Variants in NCKAP5 observed in about 807,000 individuals in gnomAD.
NCKAP5 encodes NCK associated protein 5.
In NCKAP5, 92 loss-of-function variants were observed where a neutral mutation model predicts 167.0. That is an observed-to-expected ratio of 0.55 (90% CI 0.47 to 0.66). The LOEUF (loss-of-function observed/expected upper bound fraction) is 0.66. Ranked by LOEUF, NCKAP5 falls within the 30% of genes least tolerant of loss-of-function variation. The pLI, the probability that NCKAP5 is intolerant of heterozygous loss-of-function variation, is 0.00. For synonymous variants in NCKAP5, 891 were observed against 877.4 expected, an observed-to-expected ratio of 1.02 and a Z score of -0.27; for missense variants, 2,378 against 2,315.0, an observed-to-expected ratio of 1.03 and a Z score of -0.56.
At chr2:132,897,499 A>G (rs1011502889) in intron 8 of NCKAP5, among the ~76,000 whole-genome samples, 1 of 152,236 alleles carries the variant, frequency 6.6e-6, no homozygotes, top group Non-Finnish European at 1.5e-5. Context: ...GAGTTTCTCA[A>G]CCGCAGCACT....
the NCKAP5 span, among the ~76,000 whole-genome samples, chr2:133,590,333 C>T: frequency 5.7e-4 from 12 of 21,070 alleles, no homozygotes; most frequent in Non-Finnish European, 2.9e-4. Flanking sequence ...GAGATCAAGA[C>T]GGCCAACACG....
At chr2:133,604,398 G>A in the NCKAP5 span, among the ~76,000 whole-genome samples, 1 of 151,858 alleles carries the variant, frequency 6.6e-6, no homozygotes, top group Non-Finnish European at 1.5e-5. Flanking sequence ...TAGAGATGGG[G>A]TTTCACCATG....
intron 5 of NCKAP5, among the ~76,000 whole-genome samples, chr2:133,149,656 A>G (rs1172330194): frequency 6.6e-6 from 1 of 152,148 alleles, no homozygotes; most frequent in African/African-American, 2.4e-5. Context: ...TCTTAATCCT[A>G]ATACATCACA....
the NCKAP5 span, among the ~76,000 whole-genome samples, chr2:133,602,026 T>C: frequency 7.2e-5 from 11 of 152,338 alleles, no homozygotes; most frequent in South Asian, 2.3e-3. Context: ...TATTAATGTG[T>C]CTGCTCCTTG....
chr2:133,039,739 C>A (rs1385962326), intron 6 of NCKAP5, among the ~76,000 whole-genome samples: 1 of 152,174 alleles, frequency 6.6e-6, no homozygotes, highest in Non-Finnish European at 1.5e-5. Flanking sequence ...CTGGCTCTAG[C>A]CCCAGAACTT....
At chr2:133,516,913 A>C (rs1484724813) in intron 3 of NCKAP5, among the ~76,000 whole-genome samples, 1 of 152,206 alleles carries the variant, frequency 6.6e-6, no homozygotes, top group Non-Finnish European at 1.5e-5. Context: ...AGTCTGTTTC[A>C]CTGGACTAAG....
At chr2:133,470,139 G>C (rs1392541497) in intron 3 of NCKAP5, among the ~76,000 whole-genome samples, 1 of 152,108 alleles carries the variant, frequency 6.6e-6, no homozygotes, top group Non-Finnish European at 1.5e-5. Flanking sequence ...CATCTTTGTG[G>C]TTTTATCTAC....
chr2:132,820,634 C>G (rs901505207), intron 11 of NCKAP5, among the ~76,000 whole-genome samples: 2 of 152,126 alleles, frequency 1.3e-5, no homozygotes, highest in African/African-American at 4.8e-5. Flanking sequence ...ATTTTCCTCT[C>G]TGCATAGCCC....
intron 10 of NCKAP5, among the ~76,000 whole-genome samples, chr2:132,864,170 G>A (rs1222102648): frequency 6.6e-6 from 1 of 152,130 alleles, no homozygotes; most frequent in African/African-American, 2.4e-5. Flanking sequence ...GGGAGAGGCT[G>A]TACTATGTAT....
chr2:133,564,271 G>C (rs980398454), intron 1 of NCKAP5, among the ~76,000 whole-genome samples: 1 of 152,172 alleles, frequency 6.6e-6, no homozygotes, highest in African/African-American at 2.4e-5. Flanking sequence ...ATCATAATAA[G>C]ATAGCATGAG....
chr2:132,901,575 C>T (rs780266867), intron 8 of NCKAP5, among the ~76,000 whole-genome samples: 8 of 152,000 alleles, frequency 5.3e-5, no homozygotes, highest in Non-Finnish European at 1.2e-4. Context: ...TGGGTGGAAA[C>T]GCATTAAGTA....
intron 5 of NCKAP5, among the ~76,000 whole-genome samples, chr2:133,177,482 C>G (rs2084521577): frequency 6.6e-6 from 1 of 152,116 alleles, no homozygotes; most frequent in Admixed American, 6.5e-5. Context: ...CCCCCTTAAA[C>G]CACACAGATG....
chr2:133,249,470 T>G (rs1462294723), intron 4 of NCKAP5, among the ~76,000 whole-genome samples: 1 of 152,196 alleles, frequency 6.6e-6, no homozygotes, highest in Non-Finnish European at 1.5e-5. Context: ...CCCCCAGAAC[T>G]ATGAGATAAT....
chr2:133,131,182 A>G (rs1325301283), intron 5 of NCKAP5, among the ~76,000 whole-genome samples: 1 of 152,202 alleles, frequency 6.6e-6, no homozygotes, highest in African/African-American at 2.4e-5. Flanking sequence ...CATGAAAGAA[A>G]CATTAGACTA....
chr2:132,944,180 G>A (rs1335172709), intron 8 of NCKAP5, among the ~76,000 whole-genome samples: 1 of 152,152 alleles, frequency 6.6e-6, no homozygotes, highest in Admixed American at 6.5e-5. Flanking sequence ...GGGGGCAGGG[G>A]GAATATGGGA....
intron 3 of NCKAP5, among the ~76,000 whole-genome samples, chr2:133,483,056 A>G (rs981296111): frequency 1.3e-5 from 2 of 152,174 alleles, no homozygotes; most frequent in African/African-American, 4.8e-5. Context: ...ACTGAGTTCA[A>G]GTATTTTTAA....
chr2:133,322,756 T>C (rs1682150105), intron 3 of NCKAP5, among the ~76,000 whole-genome samples: 1 of 152,208 alleles, frequency 6.6e-6, no homozygotes, highest in South Asian at 2.1e-4. Flanking sequence ...TATTTCCTTA[T>C]TTATAAAATG....
At chr2:133,289,635 G>A (rs1476248746) in intron 4 of NCKAP5, among the ~76,000 whole-genome samples, 1 of 151,852 alleles carries the variant, frequency 6.6e-6, no homozygotes, top group African/African-American at 2.4e-5. Context: ...AGGTTGCAGT[G>A]GGCCGAGATC....
chr2:133,066,091 C>T (rs1464251843), intron 6 of NCKAP5, among the ~76,000 whole-genome samples: 1 of 152,038 alleles, frequency 6.6e-6, no homozygotes, highest in Admixed American at 6.6e-5. Context: ...CCCTCATATG[C>T]CTCATTAAGA....
Sources: allele counts gnomAD v4.1 joint callset (sites outside exome capture counted in the v4.1 genomes callset), GRCh38; gene constraint gnomAD v4.1.1; transcripts MANE v1.5; gene names NCBI Gene and HGNC (gene_info 2026-07-23, HGNC 2026-07-21).